Variants in ZFAT observed in about 807,000 individuals in gnomAD.
ZFAT encodes the protein zinc finger and AT-hook domain containing.
Under a neutral mutation model 117.7 loss-of-function variants are expected in ZFAT, and 64 were observed. The ratio of observed to expected loss-of-function variants is 0.54; its 90% CI spans 0.44 to 0.67. The LOEUF is 0.67. Among genes scored for constraint, ZFAT ranks in the 30% least tolerant of loss-of-function variants. The pLI, the probability that ZFAT is intolerant of heterozygous loss-of-function variation, is 0.00. For synonymous variants in ZFAT, 679 were observed against 615.0 expected (o/e 1.10, Z -1.54); for missense variants, 1,433 against 1,584.5 (o/e 0.90, Z 1.62).
intron 15 of ZFAT, among the ~76,000 whole-genome samples, chr8:134,507,335 G>A (rs776854960): frequency 2.0e-5 from 3 of 152,140 alleles, no homozygotes; most frequent in Non-Finnish European, 4.4e-5. Flanking sequence ...TGCTATAGGA[G>A]TGGTGCTCAG....
chr8:134,780,025 T>C, the ZFAT span, among the ~76,000 whole-genome samples: 1 of 152,206 alleles, frequency 6.6e-6, no homozygotes, highest in Non-Finnish European at 1.5e-5. Flanking sequence ...CCTGGTACTC[T>C]GAAATGAGTT....
At chr8:134,681,912 A>G (rs1254978798) in intron 1 of ZFAT, among the ~76,000 whole-genome samples, 2 of 152,244 alleles carry the variant, frequency 1.3e-5, no homozygotes, top group Non-Finnish European at 2.9e-5. Flanking sequence ...AGCTGAGTAC[A>G]GTTTAAAATA....
chr8:134,698,020 G>T (rs534539114), intron 1 of ZFAT, among the ~76,000 whole-genome samples: 1 of 151,058 alleles, frequency 6.6e-6, no homozygotes, highest in African/African-American at 2.4e-5. Context: ...TCAGGAACAC[G>T]CAGAAGGAGG....
At chr8:134,615,820 A>G (rs1828686410) in intron 3 of ZFAT, among the ~76,000 whole-genome samples, 1 of 152,116 alleles carries the variant, frequency 6.6e-6, no homozygotes, top group Admixed American at 6.5e-5. Flanking sequence ...AAACTTTCCA[A>G]CCGATTCAGG....
chr8:134,745,728 G>A, the ZFAT span, among the ~76,000 whole-genome samples: 1 of 152,188 alleles, frequency 6.6e-6, no homozygotes, highest in Non-Finnish European at 1.5e-5. Flanking sequence ...AGGTCTCACT[G>A]AAGGGATTTC....
chr8:134,525,280 G>A (rs1586642483), intron 12 of ZFAT, among the ~76,000 whole-genome samples: 1 of 152,210 alleles, frequency 6.6e-6, no homozygotes, highest in African/African-American at 2.4e-5. Flanking sequence ...CTATATCTCT[G>A]ATATGCAGGT....
chr8:134,785,597 C>A, the ZFAT span: 5 of 150,648 alleles, frequency 3.3e-5, no homozygotes, highest in Non-Finnish European at 5.9e-5. Context: ...ATGCAATTGT[C>A]CTAGTGCCAT....
At chr8:134,789,295 G>A in the ZFAT span, among the ~76,000 whole-genome samples, 885 of 152,186 alleles carry the variant, frequency 5.8e-3, 2 homozygotes, top group African/African-American at 0.02. Context: ...CTCCTGTCTC[G>A]TTATTGTAGG....
intron 3 of ZFAT, among the ~76,000 whole-genome samples, chr8:134,635,520 G>A (rs1224159995): frequency 6.6e-6 from 1 of 152,146 alleles, no homozygotes; most frequent in Non-Finnish European, 1.5e-5. Context: ...CAGCAGAGCT[G>A]CCTCGATGGC....
intron 1 of ZFAT, among the ~76,000 whole-genome samples, chr8:134,671,338 G>A (rs920228912): frequency 1.5e-4 from 23 of 152,248 alleles, no homozygotes; most frequent in African/African-American, 4.3e-4. Context: ...GATGAACATC[G>A]ATGCAAAAAT....
At chr8:134,487,767 C>T (rs1405545147) in intron 15 of ZFAT, among the ~76,000 whole-genome samples, 1 of 151,458 alleles carries the variant, frequency 6.6e-6, no homozygotes, top group Non-Finnish European at 1.5e-5. Context: ...CCGTCAGTGC[C>T]CCCTACAACG....
chr8:134,504,798 C>G (rs553697146), intron 15 of ZFAT, among the ~76,000 whole-genome samples: 1 of 152,252 alleles, frequency 6.6e-6, no homozygotes, highest in East Asian at 1.9e-4. Context: ...ATGTTACAAC[C>G]AGGCAAGTCA....
intron 3 of ZFAT, among the ~76,000 whole-genome samples, chr8:134,627,338 A>C (rs1159442520): frequency 6.6e-6 from 1 of 152,204 alleles, no homozygotes; most frequent in Non-Finnish European, 1.5e-5. Flanking sequence ...GGGGACTGAG[A>C]GATTTGCAGA....
the ZFAT span, chr8:134,805,037 T>A: frequency 2.4e-4 from 96 of 399,680 alleles, no homozygotes; most frequent in Admixed American, 2.6e-3. Context: ...TTTCTAGTGC[T>A]GAACAATAGC....
At chr8:134,662,437 G>A (rs1420890722) in intron 1 of ZFAT, among the ~76,000 whole-genome samples, 3 of 152,192 alleles carry the variant, frequency 2.0e-5, no homozygotes, top group Non-Finnish European at 4.4e-5. Context: ...CAGCAAGAAT[G>A]GGGAGGGCAG....
At chr8:134,551,706 C>T (rs1041772301) in intron 11 of ZFAT, among the ~76,000 whole-genome samples, 1 of 152,184 alleles carries the variant, frequency 6.6e-6, no homozygotes, top group Non-Finnish European at 1.5e-5. Flanking sequence ...AGATTGGAAA[C>T]TAGGAGCAAA....
chr8:134,494,597 G>C (rs1563770932), intron 15 of ZFAT, among the ~76,000 whole-genome samples: 2 of 152,168 alleles, frequency 1.3e-5, no homozygotes. Flanking sequence ...CCAGGGCCTT[G>C]CTGGTAACCG....
At chr8:134,631,482 T>A (rs1460135541) in intron 3 of ZFAT, among the ~76,000 whole-genome samples, 4 of 152,230 alleles carry the variant, frequency 2.6e-5, no homozygotes, top group East Asian at 1.9e-4. Context: ...CTGATCATCA[T>A]CGCTTCTGCA....
the ZFAT span, among the ~76,000 whole-genome samples, chr8:134,779,346 G>T: frequency 6.6e-6 from 1 of 152,132 alleles, no homozygotes; most frequent in Non-Finnish European, 1.5e-5. Flanking sequence ...TGGATTATGG[G>T]TTAAAATGTT....
Sources: gnomAD v4.1 joint callset for allele counts (sites outside exome capture counted in the v4.1 genomes callset) on GRCh38, gnomAD v4.1.1 for gene constraint, MANE v1.5 for transcripts, NCBI Gene and HGNC (gene_info 2026-07-23, HGNC 2026-07-21) for gene names.